The following CCSER1 variants were observed in gnomAD, a reference collection of about 807,000 sequenced individuals.
CCSER1 encodes the protein coiled-coil serine rich protein 1, also known as serine-rich coiled-coil domain-containing protein 1.
CCSER1 carries 41 observed loss-of-function variants against 82.0 expected under a neutral mutation model. The ratio of observed to expected loss-of-function variants is 0.50; its 90% CI spans 0.39 to 0.65. The LOEUF is 0.65. Among genes scored for constraint, CCSER1 ranks in the 30% least tolerant of loss-of-function variants. The pLI, the probability that CCSER1 is intolerant of heterozygous loss-of-function variation, is 0.00. For synonymous variants in CCSER1, 414 were observed against 383.9 expected (o/e 1.08, Z -0.92); for missense variants, 1,119 against 1,064.2 (o/e 1.05, Z -0.72).
intron 5 of CCSER1, among the ~76,000 whole-genome samples, chr4:90,621,077 C>T (rs1040728185): frequency 6.6e-5 from 10 of 152,240 alleles, no homozygotes; most frequent in Middle Eastern, 3.4e-3. Flanking sequence ...CCTCGGCCTC[C>T]GAAACTGTCA....
chr4:91,315,880 T>C (rs1021492530), intron 10 of CCSER1, among the ~76,000 whole-genome samples: 7 of 151,974 alleles, frequency 4.6e-5, no homozygotes, highest in African/African-American at 1.4e-4. Context: ...AGTATCATAA[T>C]TGATATGGTT....
intron 10 of CCSER1, among the ~76,000 whole-genome samples, chr4:91,338,046 T>C (rs929523344): frequency 6.6e-6 from 1 of 152,158 alleles, no homozygotes; most frequent in African/African-American, 2.4e-5. Context: ...AGAATAGCCC[T>C]GATCAGATTC....
intron 9 of CCSER1, among the ~76,000 whole-genome samples, chr4:91,062,133 A>G (rs1744007955): frequency 6.6e-6 from 1 of 152,010 alleles, no homozygotes; most frequent in Admixed American, 6.6e-5. Context: ...ACATTGTCTC[A>G]TCTTTTTCCC....
chr4:90,248,719 A>G (rs182160490), intron 1 of CCSER1, among the ~76,000 whole-genome samples: 1,872 of 146,876 alleles, frequency 0.013, 28 homozygotes, highest in African/African-American at 0.038. Context: ...TTTTTTTGAG[A>G]CGGTTTCTCA....
chr4:91,015,488 C>T (rs918074675), intron 9 of CCSER1: 4 of 151,702 alleles, frequency 2.6e-5, no homozygotes, highest in African/African-American at 9.7e-5. Flanking sequence ...AAACCAGATG[C>T]CTTTAGGTAT....
chr4:90,466,100 G>A (rs1269929464), intron 4 of CCSER1, among the ~76,000 whole-genome samples: 3 of 152,180 alleles, frequency 2.0e-5, no homozygotes, highest in Admixed American at 1.3e-4. Context: ...GAAGATGATA[G>A]GGCATCACTG....
At chr4:90,873,118 T>C (rs2150039191) in intron 8 of CCSER1, among the ~76,000 whole-genome samples, 1 of 152,170 alleles carries the variant, frequency 6.6e-6, no homozygotes, top group South Asian at 2.1e-4. Context: ...ATATCTTTCT[T>C]ACATTTCAAA....
chr4:90,130,940 A>G (rs1326481068), intron 1 of CCSER1, among the ~76,000 whole-genome samples: 1 of 151,954 alleles, frequency 6.6e-6, no homozygotes, highest in East Asian at 1.9e-4. Flanking sequence ...CTTGAATTTA[A>G]TTGTTAATAT....
At chr4:91,205,700 C>T (rs937987639) in intron 10 of CCSER1, among the ~76,000 whole-genome samples, 1 of 151,312 alleles carries the variant, frequency 6.6e-6, no homozygotes, top group African/African-American at 2.4e-5. Flanking sequence ...TCCTCCTTCC[C>T]TTCCTCATTC....
At chr4:91,570,078 G>T (rs567126570) in intron 10 of CCSER1, among the ~76,000 whole-genome samples, 89 of 152,314 alleles carry the variant, frequency 5.8e-4, no homozygotes, top group Non-Finnish European at 1.1e-3. Context: ...CAATAGGGTA[G>T]TCATCAAACC....
Position 91,601,264 on chromosome 4 carries a change from A to G in CCSER1, c.*2207A>G, listed in dbSNP as rs1238729672. 6.6e-6 allele frequency: 1 copy of G among 152,104 alleles called. No homozygotes were observed. Among genetic ancestry groups the G allele is most frequent in the Non-Finnish European group, 1.5e-5 (1 of 67,964 alleles). 9.4% of individuals were successfully genotyped at this position (152,104 alleles called of 1,614,324 possible). A position where few individuals can be genotyped will look rare whatever the true frequency, so the allele number is the denominator to read the frequency against. On this transcript the variant is annotated 3_prime_UTR_variant, in exon 11 of 11. Coordinates refer to ENST00000509176, the MANE Select transcript of CCSER1 (RefSeq NM_001145065.2). ...CATTTTAAGAGATGTTTTAAACGCT[A>G]GTATTTTCTTGAAAAATCTTTTTTA... is the stretch of plus-strand genomic sequence containing the variant.
In CCSER1 at chr4:91,511,942, G is replaced by A. The variant is rs547653452; in HGVS notation, c.2218-86630G>A. Among the ~76,000 whole-genome samples, 7 of 152,236 alleles carry A rather than the reference G, an allele frequency of 4.6e-5. No individual in the cohort carries two copies. The East Asian group carries it at 9.6e-4, about 21-fold the overall frequency. On this transcript the variant is annotated intron_variant, in intron 10 of 10. Transcript: ENST00000509176. ...GTGGTCTGTGGAAAAATTGTCTGCC[G>A]TGAAACCAGTACCTGGTGTGAAAAA... is the stretch of plus-strand genomic sequence containing the variant.
intron 6 of CCSER1, among the ~76,000 whole-genome samples, chr4:90,719,256 A>G (rs897937094): frequency 6.6e-6 from 1 of 151,988 alleles, no homozygotes; most frequent in African/African-American, 2.4e-5. Flanking sequence ...GCGAGGTTTG[A>G]ATGCTCCTTA....
chr4:91,050,728 A>G (rs1742936464), intron 9 of CCSER1, among the ~76,000 whole-genome samples: 1 of 152,166 alleles, frequency 6.6e-6, no homozygotes, highest in African/African-American at 2.4e-5. Flanking sequence ...TTAGAATAGA[A>G]GACAAAGCAT....
chr4:90,594,682 CATCCTT>C (rs1783102038), intron 5 of CCSER1, among the ~76,000 whole-genome samples: 1 of 152,018 alleles, frequency 6.6e-6, no homozygotes, highest in African/African-American at 2.4e-5. Flanking sequence ...TCATTTAGAC[CATCCTT>C]GTGAACAACA....
chr4:91,020,320 C>T (rs1383612200), intron 9 of CCSER1, among the ~76,000 whole-genome samples: 1 of 152,140 alleles, frequency 6.6e-6, no homozygotes, highest in Non-Finnish European at 1.5e-5. Flanking sequence ...GGTAAGTATT[C>T]TCTAATTATC....
chr4:91,544,896 G>C (rs1761804321), intron 10 of CCSER1, among the ~76,000 whole-genome samples: 1 of 152,194 alleles, frequency 6.6e-6, no homozygotes, highest in African/African-American at 2.4e-5. Context: ...GCTATGCCCT[G>C]TCCCCAGAGT....
intron 10 of CCSER1, among the ~76,000 whole-genome samples, chr4:91,188,857 T>G (rs1734780215): frequency 1.3e-5 from 2 of 152,094 alleles, no homozygotes. Context: ...CCATAATTAT[T>G]AAGATTGTGA....
At chr4:91,099,405 G>A (rs1724834627) in intron 10 of CCSER1, among the ~76,000 whole-genome samples, 1 of 152,048 alleles carries the variant, frequency 6.6e-6, no homozygotes, top group African/African-American at 2.4e-5. Flanking sequence ...GAATTGATAG[G>A]CAATAAGGAG....
Sources: gnomAD v4.1 joint callset for allele counts (sites outside exome capture counted in the v4.1 genomes callset) on GRCh38, gnomAD v4.1.1 for gene constraint, MANE v1.5 for transcripts, NCBI Gene and HGNC (gene_info 2026-07-23, HGNC 2026-07-21) for gene names.